SYPL1: variants seen among roughly 807,000 people sequenced by gnomAD.
The protein encoded by SYPL1 is synaptophysin-like protein 1.
In SYPL1, 6 loss-of-function variants were observed where a neutral mutation model predicts 23.7. The ratio of observed to expected loss-of-function variants is 0.25; its 90% CI spans 0.14 to 0.50. The LOEUF (loss-of-function observed/expected upper bound fraction) is 0.50. Ranked by LOEUF, SYPL1 falls within the 20% of genes least tolerant of loss-of-function variation. The probability of loss-of-function intolerance (pLI) is 0.98; values close to 1 mark genes in which losing one functional copy is unlikely to be tolerated. For synonymous variants in SYPL1, 102 were observed against 104.5 expected, an observed-to-expected ratio of 0.98 and a Z score of 0.15; for missense variants, 253 against 288.9, an observed-to-expected ratio of 0.88 and a Z score of 0.90.
chr7:106,100,842 T>G lies in SYPL1; in HGVS notation c.70-1560A>C, dbSNP rs6466084. 0.06 allele frequency among the ~76,000 whole-genome samples: 9,125 copies of G among 152,232 alleles called. 339 individuals carry two copies. The highest frequency in any genetic ancestry group is 0.088 in the Middle Eastern group (26 of 294). Reference sequence around the variant, plus strand: ...CAAAACCCTCCAATGGCTTTTGAGCTCTCTATGAATAAAAACCAAAGTTCA... The same window carrying G: ...CAAAACCCTCCAATGGCTTTTGAGCGCTCTATGAATAAAAACCAAAGTTCA... On this transcript the variant is annotated intron_variant, in intron 1 of 4. Transcript: ENST00000455385. The surrounding 1 kb of genome is among the most constrained non-coding windows in gnomAD (Gnocchi z 5.1).
intron 1 of SYPL1, among the ~76,000 whole-genome samples, chr7:106,106,346 G>A (rs1309902945): frequency 6.6e-6 from 1 of 151,712 alleles, no homozygotes; most frequent in Admixed American, 6.6e-5. Flanking sequence ...TCAGGTGTTC[G>A]AAACCAGCCT....
At chr7:106,093,276 G>C in intron 3 of SYPL1, 139 bp from the exon 4 acceptor site, 1 of 778,560 alleles carries the variant, frequency 1.3e-6, no homozygotes, top group East Asian at 2.8e-5. Flanking sequence ...TATTAAAAAA[G>C]TCAGTCAGCA....
At chr7:106,094,412 G>T (rs1181125833) in intron 3 of SYPL1, among the ~76,000 whole-genome samples, 1 of 152,158 alleles carries the variant, frequency 6.6e-6, no homozygotes, top group African/African-American at 2.4e-5. Flanking sequence ...TGAATACTTA[G>T]GATTAGAGAA....
At position 106,091,673 on chromosome 7, in the gene SYPL1, C is replaced by A; in HGVS notation, c.*132G>T. 1 of 932,532 alleles carries A rather than the reference C, an allele frequency of 1.1e-6. No homozygotes were observed. Among genetic ancestry groups the A allele is most frequent in the South Asian group, 3.0e-5 (1 of 33,064 alleles). The allele number at this position is 932,532 out of a possible 1,614,324, so 57.8% of individuals were successfully genotyped here. A position where few individuals can be genotyped will look rare whatever the true frequency, so the allele number is the denominator to read the frequency against. Reference sequence around the variant, plus strand: ...AAGGCACAGGCTTTATGTAAAAAAGCAGCAAAGTTTTAAACCCACCAATAT... The same window carrying A: ...AAGGCACAGGCTTTATGTAAAAAAGAAGCAAAGTTTTAAACCCACCAATAT... On this transcript the variant is annotated 3_prime_UTR_variant, in exon 5 of 5. Coordinates refer to ENST00000455385, the MANE Select transcript of SYPL1 (RefSeq NM_182715.4). The surrounding 1 kb of genome is among the most constrained non-coding windows in gnomAD (Gnocchi z 5.0).
At position 106,104,858 on chromosome 7, in the gene SYPL1, G is replaced by A. The variant is rs1840511542; in HGVS notation, c.70-5576C>T. Among the ~76,000 whole-genome samples, 1 of 152,084 alleles carries A rather than the reference G, an allele frequency of 6.6e-6. No homozygotes were observed. The highest frequency in any genetic ancestry group is 2.1e-4 in the South Asian group (1 of 4,818). On this transcript the variant is annotated intron_variant, in intron 1 of 4. Coordinates refer to ENST00000455385, the MANE Select transcript of SYPL1 (RefSeq NM_182715.4). This position sits in a 1 kb window ranked among gnomAD's most constrained non-coding sequence, Gnocchi z 4.1. ...TGATCTAGACTGGAAGTTATATACT[G>A]GCAGCCTGTTGGTAAAACCCGGCCT... is the stretch of plus-strand genomic sequence containing the variant.
intron 1 of SYPL1, among the ~76,000 whole-genome samples, chr7:106,103,162 G>A (rs924976076): frequency 4.6e-5 from 7 of 151,934 alleles, no homozygotes; most frequent in Admixed American, 2.0e-4. Context: ...AAAGCAACAG[G>A]GAAATGGATA....
At chr7:106,106,874 G>C (rs1363727818) in intron 1 of SYPL1, among the ~76,000 whole-genome samples, 1 of 152,188 alleles carries the variant, frequency 6.6e-6, no homozygotes, top group Admixed American at 6.5e-5. Flanking sequence ...AATTTAAAAA[G>C]AGTTTGGAGC....
intron 2 of SYPL1, 114 bp downstream of exon 2, chr7:106,099,044 G>A (rs915035571): frequency 5.1e-5 from 66 of 1,302,004 alleles, no homozygotes; most frequent in East Asian, 1.2e-4. Context: ...ACTTACAAAT[G>A]AGCATACAGT....
At chr7:106,094,901 G>A (rs1277345462) in intron 3 of SYPL1, among the ~76,000 whole-genome samples, 1 of 152,116 alleles carries the variant, frequency 6.6e-6, no homozygotes, top group East Asian at 1.9e-4. Flanking sequence ...AAGGAACGTG[G>A]GGGGAATTCT....
chr7:106,100,926 T>C lies in SYPL1; in HGVS notation c.70-1644A>G, dbSNP rs1405487803. ...ATTTCTGACCTCATGTTGCTACTTT[T>C]TCCTTTACCTAATCTGTATACACAA... On this transcript the variant is annotated intron_variant, in intron 1 of 4. Transcript: ENST00000455385. This position sits in a 1 kb window ranked among gnomAD's most constrained non-coding sequence, Gnocchi z 5.1. Among the ~76,000 whole-genome samples the C allele has an allele frequency of 6.6e-6, 1 of 152,234 alleles. No homozygotes were observed. The highest frequency in any genetic ancestry group is 1.5e-5 in the Non-Finnish European group (1 of 68,038).
rs1229532905 is a variant in SYPL1 at position 106,097,536 on chromosome 7, T to TA, written c.402+153dup. On this transcript the variant is annotated intron_variant, in intron 3 of 4. Coordinates refer to ENST00000455385, the MANE Select transcript of SYPL1 (RefSeq NM_182715.4). This position sits in a 1 kb window ranked among gnomAD's most constrained non-coding sequence, Gnocchi z 4.6. ...GCAAATAGGCTAAAAAAAATTGAGT[T>TA]AAACTTAATGGGAGAAAGCTCAACC... Among the ~76,000 whole-genome samples the TA allele has an allele frequency of 6.6e-6, 1 of 152,200 alleles. No individual in the cohort carries two copies. Among genetic ancestry groups the TA allele is most frequent in the African/African-American group, 2.4e-5 (1 of 41,448 alleles).
chr7:106,109,580 C>T lies in SYPL1; in HGVS notation c.69+2560G>A, dbSNP rs1790041219. On this transcript the variant is annotated intron_variant, in intron 1 of 4. Transcript: ENST00000455385. This position sits in a 1 kb window ranked among gnomAD's most constrained non-coding sequence, Gnocchi z 4.3. ...CAAACTCATATTTTAAATTCTAGAT[C>T]CATATATATAGCTGTATCCTATAGG... Among the ~76,000 whole-genome samples, 1 of 152,104 alleles carries T rather than the reference C, an allele frequency of 6.6e-6. No individual in the cohort carries two copies. Among genetic ancestry groups the T allele is most frequent in the African/African-American group, 2.4e-5 (1 of 41,414 alleles).
At chr7:106,112,455 G>A, upstream of SYPL1, 2 of 1,473,012 alleles carry the variant, frequency 1.4e-6, no homozygotes, top group Admixed American at 2.6e-5. Context: ...GGCGGAGACC[G>A]GGAGGCTTCT....
intron 2 of SYPL1, 138 bp downstream of exon 2, chr7:106,099,020 G>T: frequency 9.7e-7 from 1 of 1,033,876 alleles, no homozygotes. Context: ...ACCACAGTTT[G>T]GGAGGTAATG....
rs969652436 is a variant in SYPL1, at chr7:106,096,238, A to G, written c.402+1452T>C. The G allele has an allele frequency of 4.6e-5, 7 of 152,192 alleles. No individual in the cohort carries two copies. The highest frequency in any genetic ancestry group is 1.5e-5 in the Non-Finnish European group (1 of 68,028). The allele number at this position is 152,192 out of a possible 1,614,324, so 9.4% of individuals were successfully genotyped here. A position where few individuals can be genotyped will look rare whatever the true frequency, so the allele number is the denominator to read the frequency against. ...AACCTCTAGTTTTCTTGTGTCTCCT[A>G]TGACATAAGAAACAGAATTAAATAT... is the stretch of plus-strand genomic sequence containing the variant. On this transcript the variant is annotated intron_variant, in intron 3 of 4. Coordinates refer to ENST00000455385, the MANE Select transcript of SYPL1 (RefSeq NM_182715.4). The surrounding 1 kb of genome is among the most constrained non-coding windows in gnomAD (Gnocchi z 4.4).
intron 4 of SYPL1, 125 bp from the exon 5 acceptor site, chr7:106,092,064 A>G (rs1181248039): frequency 4.5e-6 from 4 of 887,718 alleles, no homozygotes; most frequent in Non-Finnish European, 6.7e-6. Context: ...TATTTCACTT[A>G]AAGTTTAATA....
At chr7:106,112,497 C>T, upstream of SYPL1, 3 of 1,524,516 alleles carry the variant, frequency 2.0e-6, no homozygotes, top group Non-Finnish European at 2.6e-6. Context: ...GTCGACTGAT[C>T]CGCTGGCGAA....
intron 1 of SYPL1, among the ~76,000 whole-genome samples, chr7:106,107,932 T>C (rs1037032679): frequency 3.3e-5 from 5 of 151,912 alleles, no homozygotes; most frequent in African/African-American, 4.8e-5. Flanking sequence ...CGGTGGCTCA[T>C]GCCTATAATC....
Position 106,096,846 on chromosome 7 carries a change from A to G in SYPL1, c.402+844T>C, listed in dbSNP as rs895808763. ...ATCTCTGTTACAACTACTCAACTTT[A>G]CCATTGCAGTGTGAAAGCAGCCATA... On this transcript the variant is annotated intron_variant, in intron 3 of 4. Coordinates refer to ENST00000455385, the MANE Select transcript of SYPL1 (RefSeq NM_182715.4). This position sits in a 1 kb window ranked among gnomAD's most constrained non-coding sequence, Gnocchi z 4.4. Among the ~76,000 whole-genome samples, 4 of 152,186 alleles carry G rather than the reference A, an allele frequency of 2.6e-5. No individual in the cohort carries two copies. The highest frequency in any genetic ancestry group is 4.4e-5 in the Non-Finnish European group (3 of 68,046).
Sources: allele counts gnomAD v4.1 joint callset (sites outside exome capture counted in the v4.1 genomes callset), GRCh38; gene constraint gnomAD v4.1.1; non-coding constraint Gnocchi (gnomAD v3.1); transcripts MANE v1.5; gene names NCBI Gene and HGNC (gene_info 2026-07-23, HGNC 2026-07-21).